Variants in POLB observed in about 807,000 individuals in gnomAD.
POLB encodes the protein DNA polymerase beta, also known as 5'-dRP lyase.
POLB carries 37 observed loss-of-function variants against 52.7 expected under a neutral mutation model. That is an observed-to-expected ratio of 0.70 (90% CI 0.54 to 0.92). The LOEUF is 0.92. POLB is among the 40% of genes least tolerant of loss of function. The pLI is 0.00. For missense variants in POLB, 313 were observed against 400.8 expected (o/e 0.78, Z 1.87); for synonymous variants, 138 against 131.3 (o/e 1.05, Z -0.35).
At chr8:42,361,841 A>G (rs1319694034) in intron 10 of POLB, 1 of 160,038 alleles carries the variant, frequency 6.2e-6, no homozygotes, top group Non-Finnish European at 1.4e-5. Context: ...ATTTAAGGAA[A>G]CAGATAAATA....
chr8:42,363,172 G>C (rs1823820465), intron 11 of POLB, among the ~76,000 whole-genome samples: 1 of 151,174 alleles, frequency 6.6e-6, no homozygotes. Context: ...GATTCTCATA[G>C]CTACTCTCAG....
chr8:42,339,427 T>C (rs1477306344), intron 2 of POLB: 1 of 270,236 alleles, frequency 3.7e-6, no homozygotes. Context: ...TTTTGGTTGG[T>C]CTAAAGTTGA....
At chr8:42,354,366 C>A in intron 6 of POLB, 3 of 719,444 alleles carry the variant, frequency 4.2e-6, no homozygotes, top group African/African-American at 1.8e-5. Context: ...TATAAGGGGG[C>A]TTGTAGGAAT....
At chr8:42,353,204 G>A (rs1178568730) in intron 6 of POLB, among the ~76,000 whole-genome samples, 1 of 147,644 alleles carries the variant, frequency 6.8e-6, no homozygotes, top group Non-Finnish European at 1.5e-5. Context: ...TGCCTCCCAG[G>A]TTCATGCCAT....
chr8:42,353,230 T>G (rs1314361643), intron 6 of POLB, among the ~76,000 whole-genome samples: 1 of 148,650 alleles, frequency 6.7e-6, no homozygotes, highest in African/African-American at 2.5e-5. Flanking sequence ...TGCCTCAGCC[T>G]CCCAAGTATC....
intron 11 of POLB, among the ~76,000 whole-genome samples, chr8:42,365,882 C>G (rs1196286488): frequency 6.6e-6 from 1 of 151,958 alleles, no homozygotes; most frequent in Non-Finnish European, 1.5e-5. Context: ...GGTGAATCAC[C>G]TGAGGTCAGG....
intron 5 of POLB, 55 bp from the exon 6 acceptor site, chr8:42,352,464 G>GTC: frequency 9.0e-7 from 1 of 1,106,650 alleles, no homozygotes; most frequent in Non-Finnish European, 1.4e-6. Context: ...AGACATGGTT[G>GTC]TTACAAGGAT....
At position 42,350,001 on chromosome 8, in the gene POLB, T is replaced by C. The variant is rs1459563928; in HGVS notation, c.262-6T>C. The stretch of plus-strand genomic sequence containing the variant: ...AATCATTGTTAGACTTTTTTTTTTC[T>C]TAAAGATTCGGCAGGATGATACGAG... On this transcript the variant is annotated splice_region_variant and splice_polypyrimidine_tract_variant and intron_variant, in intron 4 of 13. Transcript: ENST00000265421. 1 of 1,596,502 alleles carries C rather than the reference T, an allele frequency of 6.3e-7. No individual in the cohort carries two copies. The highest frequency in any genetic ancestry group is 8.6e-7 in the Non-Finnish European group (1 of 1,164,306).
chr8:42,341,743 A>T, intron 2 of POLB: 1 of 382,634 alleles, frequency 2.6e-6, no homozygotes, highest in South Asian at 2.7e-5. Context: ...TTATCTGAAA[A>T]ATCCTCGTAG....
At chr8:42,340,405 C>T (rs3136719) in intron 2 of POLB, among the ~76,000 whole-genome samples, 7,988 of 152,184 alleles carry the variant, frequency 0.052, 433 homozygotes, top group Admixed American at 0.18. Flanking sequence ...AGGGTATGTG[C>T]GTAAGGTGTG....
At position 42,371,691 on chromosome 8, in the gene POLB, A is replaced by G; in HGVS notation, c.*34A>G. ...TCCTCCCTGGCAGACACAACCCAAT[A>G]GGAGTCTTAATTTATTTCTTAACCT... On this transcript the variant is annotated 3_prime_UTR_variant, in exon 14 of 14. Transcript: ENST00000265421. 2 of 1,204,896 alleles carry G rather than the reference A, an allele frequency of 1.7e-6. No individual in the cohort carries two copies. The highest frequency in any genetic ancestry group is 2.5e-6 in the Non-Finnish European group (2 of 807,610). 74.6% of individuals were successfully genotyped at this position (1,204,896 alleles called of 1,614,324 possible).
chr8:42,345,260 T>C (rs913756670), intron 3 of POLB, among the ~76,000 whole-genome samples: 1 of 152,212 alleles, frequency 6.6e-6, no homozygotes, highest in Non-Finnish European at 1.5e-5. Flanking sequence ...GTTTTCTTTC[T>C]CTCTGTTACA....
In POLB at chr8:42,369,133, A is replaced by G. The variant is rs3136796; in HGVS notation, c.709-138A>G. 2.6e-3 allele frequency: 1,495 copies of G among 578,702 alleles called. 6 individuals are homozygous for G. The highest frequency in any genetic ancestry group is 3.9e-3 in the Non-Finnish European group (1,263 of 324,992). The allele number at this position is 578,702 out of a possible 1,614,324, so 35.8% of individuals were successfully genotyped here. A position where few individuals can be genotyped will look rare whatever the true frequency, so the allele number is the denominator to read the frequency against. On this transcript the variant is annotated intron_variant, in intron 11 of 13. Coordinates refer to ENST00000265421, the MANE Select transcript of POLB (RefSeq NM_002690.3). ...AAGGTAGGGATAGTGTATTGCTCAC[A>G]GAAGCTGCTAAGTTAAAAGTGCTCA...
At chr8:42,343,339 AAAAAAAAT>A (rs1822348024) in intron 2 of POLB, among the ~76,000 whole-genome samples, 1 of 43,928 alleles carries the variant, frequency 2.3e-5, no homozygotes, top group African/African-American at 4.1e-5. Flanking sequence ...AAAAAAAAAA[AAAAAAAAT>A]ATATATATAT....
At chr8:42,365,748 C>T (rs1360422597) in intron 11 of POLB, among the ~76,000 whole-genome samples, 3 of 151,960 alleles carry the variant, frequency 2.0e-5, no homozygotes, top group Non-Finnish European at 4.4e-5. Flanking sequence ...CTGCTGTGCT[C>T]GAAGAGAGAT....
intron 2 of POLB, chr8:42,342,048 C>T: frequency 1.2e-6 from 1 of 834,770 alleles, no homozygotes; most frequent in Non-Finnish European, 2.1e-6. Flanking sequence ...ACATTCTGGC[C>T]TATGTTGTGC....
intron 2 of POLB, 38 bp from the exon 3 acceptor site, chr8:42,344,915 G>A (rs939144141): frequency 7.8e-7 from 1 of 1,285,304 alleles, no homozygotes; most frequent in East Asian, 2.3e-5. Context: ...GGCCTTGATG[G>A]ATTTCTAATT....
At chr8:42,359,711 C>T (rs997638468) in intron 9 of POLB, among the ~76,000 whole-genome samples, 3 of 151,134 alleles carry the variant, frequency 2.0e-5, no homozygotes, top group African/African-American at 4.9e-5. Flanking sequence ...ATGCATGTAT[C>T]ATACTTCATT....
intron 1 of POLB, 90 bp from the exon 2 acceptor site, chr8:42,338,922 T>TAA (rs1563386376): frequency 4.2e-6 from 5 of 1,188,880 alleles, no homozygotes; most frequent in Non-Finnish European, 6.3e-6. Context: ...GGTCACTGTC[T>TAA]CTTAGAGGCT....
Sources: allele counts gnomAD v4.1 joint callset (sites outside exome capture counted in the v4.1 genomes callset), GRCh38; gene constraint gnomAD v4.1.1; transcripts MANE v1.5; gene names NCBI Gene and HGNC (gene_info 2026-07-23, HGNC 2026-07-21).